LDLRAD1: variants seen among roughly 807,000 people sequenced by gnomAD.
LDLRAD1 encodes low density lipoprotein receptor class A domain containing 1, also known as low-density lipoprotein receptor class A domain-containing protein 1.
LDLRAD1 carries 17 observed loss-of-function variants against 24.8 expected under a neutral mutation model. The ratio of observed to expected loss-of-function variants is 0.69; its 90% confidence interval spans 0.47 to 1.03. LDLRAD1 has a LOEUF of 1.03. Among genes scored for constraint, LDLRAD1 ranks in the 50% least tolerant of loss-of-function variants. The pLI is 0.00. For synonymous variants in LDLRAD1, 103 were observed against 108.2 expected (o/e 0.95, Z 0.30); for missense variants, 277 against 271.0 (o/e 1.02, Z -0.16).
chr1:54,009,446 G>C (rs1341673015), intron 5 of LDLRAD1, among the ~76,000 whole-genome samples: 3 of 152,128 alleles, frequency 2.0e-5, no homozygotes, highest in Non-Finnish European at 4.4e-5. Flanking sequence ...CTTACCCTGA[G>C]TCCAGCTATG....
chr1:54,018,074 C>T lies in LDLRAD1; in HGVS notation c.21+18G>A. 6.2e-7 allele frequency: 1 copy of T among 1,609,136 alleles called. No individual in the cohort carries two copies. Among genetic ancestry groups the T allele is most frequent in the Middle Eastern group, 1.7e-4 (1 of 6,054 alleles). ...AGCTCTTACTTGGAGACAACTCTCA[C>T]CTGGGGACAGCTCTCACCTGGGGGA... On this transcript the variant is annotated intron_variant, in intron 1 of 5. Transcript: ENST00000371360.
In LDLRAD1 at chr1:54,009,003, C is replaced by T. The variant is rs768637576; in HGVS notation, c.597G>A (p.Glu199=). 1.2e-6 allele frequency: 2 copies of T among 1,613,802 alleles called. No homozygotes were observed. The highest frequency in any genetic ancestry group is 3.3e-5 in the Admixed American group (2 of 59,990). Residue 199 remains glutamate, a synonymous_variant, in exon 6 of 6, where the codon GAG becomes GAA. Coordinates refer to ENST00000371360, the MANE Select transcript of LDLRAD1 (RefSeq NM_001010978.4). ...HVQHCSDWSD[E]YACPGP is the part of the protein sequence containing the mutation. ...CCACTCAGGGTCCGGGACAGGCATA[C>T]TCATCGGACCAGTCGGAGCAGTGCT... is the stretch of plus-strand genomic sequence containing the variant.
Position 54,014,309 on chromosome 1 carries a change from CAG to C in LDLRAD1, c.127_128del (p.Leu43AlafsTer42). Reference protein sequence around the residue: ...SRRGACLSASLLLLLATVAAL... With the variant: ...SRRGACLSASXLLLLATVAAL... ...CCGCCACAGTTGCCAGGAGGAGCAGCAGAGAGGCAGAGAGGCAGGCCCCGCGA... is the reference window on the plus strand; with the variant it reads ...CCGCCACAGTTGCCAGGAGGAGCAGCAGAGGCAGAGAGGCAGGCCCCGCGA... On this transcript the variant is annotated frameshift_variant, in exon 3 of 6. Transcript: ENST00000371360. LOFTEE classifies it high-confidence loss of function. 1.3e-6 allele frequency: 2 copies of C among 1,549,516 alleles called. No homozygotes were observed. Among genetic ancestry groups the C allele is most frequent in the South Asian group, 1.2e-5 (1 of 83,970 alleles).
chr1:54,010,503 C>T, intron 4 of LDLRAD1, 93 bp from the exon 5 acceptor site: 2 of 1,342,616 alleles, frequency 1.5e-6, no homozygotes, highest in Non-Finnish European at 2.1e-6. Flanking sequence ...CTGGCAGTGG[C>T]CAAACTCAGG....
Position 54,008,892 on chromosome 1 carries a change from T to A in LDLRAD1, c.*90A>T. 9.1e-7 allele frequency: 1 copy of A among 1,094,690 alleles called. No individual in the cohort carries two copies. The highest frequency in any genetic ancestry group is 1.2e-6 in the Non-Finnish European group (1 of 813,888). 67.8% of individuals were successfully genotyped at this position (1,094,690 alleles called of 1,614,324 possible). The stretch of plus-strand genomic sequence containing the variant: ...TGTAGATCCCATTTCAAAGGCTGCT[T>A]CCTGCCCTTGTGCGCTAGGATTTGA... On this transcript the variant is annotated 3_prime_UTR_variant, in exon 6 of 6. Transcript: ENST00000371360.
intron 4 of LDLRAD1, among the ~76,000 whole-genome samples, chr1:54,011,905 T>C (rs1656066208): frequency 6.6e-6 from 1 of 152,140 alleles, no homozygotes; most frequent in South Asian, 2.1e-4. Context: ...GAACTCTGCC[T>C]TGAGGGATGA....
chr1:54,015,645 G>GT (rs974300554), intron 2 of LDLRAD1, among the ~76,000 whole-genome samples: 20 of 122,844 alleles, frequency 1.6e-4, no homozygotes, highest in South Asian at 1.3e-3. Context: ...GGGGGCTTTT[G>GT]TTTTTTTTGT....
chr1:54,015,513 T>C (rs190714008), intron 2 of LDLRAD1, among the ~76,000 whole-genome samples: 12 of 152,268 alleles, frequency 7.9e-5, no homozygotes, highest in Admixed American at 2.0e-4. Flanking sequence ...GGCATGGACA[T>C]GCCTGAAGGG....
intron 3 of LDLRAD1, among the ~76,000 whole-genome samples, chr1:54,013,044 AGT>A (rs201125903): frequency 0.013 from 1,957 of 152,126 alleles, 46 homozygotes; most frequent in African/African-American, 0.045. Flanking sequence ...TGCCTCAGCT[AGT>A]GTGTGTGGGG....
intron 5 of LDLRAD1, 112 bp from the exon 6 acceptor site, chr1:54,009,242 T>C: frequency 9.2e-6 from 9 of 976,210 alleles, no homozygotes; most frequent in Non-Finnish European, 1.4e-5. Flanking sequence ...CCCCAACCCA[T>C]CTGACGTGAG....
In LDLRAD1 at chr1:54,008,920, T is replaced by C; in HGVS notation, c.*62A>G. ...TGCCCTTGTGCGCTAGGATTTGATT[T>C]TCATGTGAAGGGTTATCAGTGCCAT... On this transcript the variant is annotated 3_prime_UTR_variant, in exon 6 of 6. Coordinates refer to ENST00000371360, the MANE Select transcript of LDLRAD1 (RefSeq NM_001010978.4). 6.6e-7 allele frequency: 1 copy of C among 1,504,550 alleles called. No individual in the cohort carries two copies. Among genetic ancestry groups the C allele is most frequent in the Non-Finnish European group, 9.0e-7 (1 of 1,106,226 alleles). The allele number at this position is 1,504,550 out of a possible 1,614,324, so 93.2% of individuals were successfully genotyped here. A position where few individuals can be genotyped will look rare whatever the true frequency, so the allele number is the denominator to read the frequency against.
At chr1:54,010,974 T>C (rs912462075) in intron 4 of LDLRAD1, among the ~76,000 whole-genome samples, 3 of 152,192 alleles carry the variant, frequency 2.0e-5, no homozygotes, top group Admixed American at 6.5e-5. Context: ...GTAGAAAACC[T>C]TGGGCAGGGA....
intron 5 of LDLRAD1, among the ~76,000 whole-genome samples, chr1:54,009,353 T>C (rs1655952977): frequency 1.3e-5 from 2 of 152,130 alleles, no homozygotes; most frequent in African/African-American, 4.8e-5. Context: ...TTTCCTAGTG[T>C]GCTCAAGCTT....
intron 4 of LDLRAD1, among the ~76,000 whole-genome samples, chr1:54,011,250 T>A (rs776068365): frequency 1.3e-5 from 2 of 151,940 alleles, no homozygotes; most frequent in South Asian, 2.1e-4. Context: ...GAAATTAAAG[T>A]GTGGTCTATC....
chr1:54,013,840 G>A (rs1656168739), intron 3 of LDLRAD1, among the ~76,000 whole-genome samples: 1 of 152,130 alleles, frequency 6.6e-6, no homozygotes, highest in Non-Finnish European at 1.5e-5. Flanking sequence ...CTGCAGGCAT[G>A]TATGGGATGT....
chr1:54,014,630 C>T (rs981511922), intron 2 of LDLRAD1, among the ~76,000 whole-genome samples: 3 of 152,206 alleles, frequency 2.0e-5, no homozygotes, highest in Admixed American at 6.5e-5. Context: ...CCCTCCCACC[C>T]GCCATCAGGA....
chr1:54,014,192 C>A, intron 3 of LDLRAD1, 44 bp downstream of exon 3: 1 of 1,558,884 alleles, frequency 6.4e-7, no homozygotes, highest in Non-Finnish European at 8.7e-7. Context: ...CCCTCCCATG[C>A]CCTCCCCGCC....
intron 5 of LDLRAD1, 61 bp downstream of exon 5, chr1:54,010,221 C>A: frequency 6.3e-7 from 1 of 1,598,978 alleles, no homozygotes; most frequent in South Asian, 1.1e-5. Context: ...CCTGCTCACC[C>A]TTTGCCCTCT....
chr1:54,009,386 G>A (rs1184092465), intron 5 of LDLRAD1, among the ~76,000 whole-genome samples: 2 of 152,070 alleles, frequency 1.3e-5, no homozygotes, highest in Non-Finnish European at 2.9e-5. Context: ...AGGATGTCAG[G>A]CAAAGTCCCA....
Sources: allele counts gnomAD v4.1 joint callset (sites outside exome capture counted in the v4.1 genomes callset), GRCh38; gene constraint gnomAD v4.1.1; transcripts MANE v1.5; gene names NCBI Gene and HGNC (gene_info 2026-07-23, HGNC 2026-07-21).